Variants in HOXC10 observed in about 807,000 individuals in gnomAD.
HOXC10 encodes the protein homeobox C10.
In HOXC10, 15 loss-of-function variants were observed where a neutral mutation model predicts 26.0. The ratio of observed to expected loss-of-function variants is 0.58; its 90% CI spans 0.39 to 0.89. The LOEUF (loss-of-function observed/expected upper bound fraction) is 0.89. HOXC10 is among the 40% of genes least tolerant of loss of function. The probability of loss-of-function intolerance (pLI) is 0.00; values close to 1 mark genes in which losing one functional copy is unlikely to be tolerated. For missense variants in HOXC10, 446 were observed against 451.9 expected (o/e 0.99, Z 0.12); for synonymous variants, 196 against 185.5 (o/e 1.06, Z -0.46).
Position 53,990,115 on chromosome 12 carries a change from G to T in HOXC10, c.*669G>T, listed in dbSNP as rs1255439966. The T allele has an allele frequency of 7.6e-6, 1 of 130,746 alleles. No individual in the cohort carries two copies. The highest frequency in any genetic ancestry group is 1.6e-5 in the Non-Finnish European group (1 of 62,406). 8.1% of individuals were successfully genotyped at this position (130,746 alleles called of 1,614,324 possible). A position where few individuals can be genotyped will look rare whatever the true frequency, so the allele number is the denominator to read the frequency against. On this transcript the variant is annotated 3_prime_UTR_variant, in exon 2 of 2. Transcript: ENST00000303460. ...CAGAGGAACAAAAAAATTAAAAATA[G>T]AACATAGCAAAGCAAAGACAGAATG...
At position 53,989,292 on chromosome 12, in the gene HOXC10, A is replaced by G; in HGVS notation, c.875A>G (p.Tyr292Cys). Residue 292 changes from tyrosine to cysteine, a missense_variant, in exon 2 of 2, where the codon TAT becomes TGT. Coordinates refer to ENST00000303460, the MANE Select transcript of HOXC10 (RefSeq NM_017409.4). ...GAGAAAGAATTTCTGTTCAATATGT[A>G]TTTGACGCGAGAGCGCCGCCTGGAG... is the stretch of plus-strand genomic sequence containing the variant. ...ELEKEFLFNM[Y>C]LTRERRLEIS... 1 of 1,614,240 alleles carries G rather than the reference A, an allele frequency of 6.2e-7. No homozygotes were observed. Among genetic ancestry groups the G allele is most frequent in the Non-Finnish European group, 8.5e-7 (1 of 1,180,032 alleles).
In HOXC10 at chr12:53,989,323, C is replaced by G. The variant is rs765266487; in HGVS notation, c.906C>G (p.Ser302Arg). The G allele has an allele frequency of 6.2e-7, 1 of 1,614,184 alleles. No individual in the cohort carries two copies. The highest frequency in any genetic ancestry group is 8.5e-7 in the Non-Finnish European group (1 of 1,180,026). Residue 302 changes from serine (S) to arginine (R), a missense_variant, in exon 2 of 2, where the codon AGC (serine) becomes AGG (arginine). Transcript: ENST00000303460. ...YLTRERRLEI[S>R]KTINLTDRQV... is the part of the protein sequence containing the mutation. ...CGCGAGAGCGCCGCCTGGAGATTAG[C>G]AAGACCATTAACCTTACAGACAGAC...
At position 53,989,417 on chromosome 12, in the gene HOXC10, G is replaced by C; in HGVS notation, c.1000G>C (p.Glu334Gln). ...AATGAACCGAGAGAATCGGATCCGGGAACTGACCTCCAATTTTAATTTCAC... is the reference window on the plus strand; with the variant it reads ...AATGAACCGAGAGAATCGGATCCGGCAACTGACCTCCAATTTTAATTTCAC... ...KKMNRENRIR[E>Q]LTSNFNFT Residue 334 changes from glutamate (E) to glutamine (Q), a missense_variant, in exon 2 of 2, where the codon GAA (glutamate) becomes CAA (glutamine). Physicochemically the swap from Glu to Gln is conservative, Grantham distance 29. Coordinates refer to ENST00000303460, the MANE Select transcript of HOXC10 (RefSeq NM_017409.4). 6.2e-7 allele frequency: 1 copy of C among 1,613,516 alleles called. No individual in the cohort carries two copies. The highest frequency in any genetic ancestry group is 8.5e-7 in the Non-Finnish European group (1 of 1,179,786).
At chr12:53,987,855 G>A (rs891356693) in intron 1 of HOXC10, among the ~76,000 whole-genome samples, 2 of 152,034 alleles carry the variant, frequency 1.3e-5, no homozygotes, top group Non-Finnish European at 2.9e-5. Flanking sequence ...AAATAAACAG[G>A]ACGTAGTTAG....
At chr12:53,986,256 C>A (rs905623101) in intron 1 of HOXC10, 3 of 440,300 alleles carry the variant, frequency 6.8e-6, no homozygotes, top group Non-Finnish European at 4.0e-6. Flanking sequence ...GGGGGCGGTG[C>A]GCACCGCGGG....
chr12:53,985,705 ACCGCGCCAGCCCGAGCTACT>A lies in HOXC10; in HGVS notation c.453_472del (p.Ser152GlyfsTer42). ...CACGAGGTACCCGTGCCCAGCTACT[ACCGCGCCAGCCCGAGCTACT>A]CCGCGCTGGACAAGACGCCCCACTG... On this transcript the variant is annotated frameshift_variant, in exon 1 of 2. Coordinates refer to ENST00000303460, the MANE Select transcript of HOXC10 (RefSeq NM_017409.4). LOFTEE classifies it high-confidence loss of function. 1 of 1,610,228 alleles carries A rather than the reference ACCGCGCCAGCCCGAGCTACT, an allele frequency of 6.2e-7. No individual in the cohort carries two copies. The highest frequency in any genetic ancestry group is 8.5e-7 in the Non-Finnish European group (1 of 1,177,218).
chr12:53,985,336 G>T lies in HOXC10; in HGVS notation c.77G>T (p.Ser26Ile), dbSNP rs779716296. Residue 26 changes from serine (S) to isoleucine (I), a missense_variant, in exon 1 of 2, where the codon AGC (serine) becomes ATC (isoleucine). Ser to Ile is a moderately radical substitution (Grantham distance 142). Coordinates refer to ENST00000303460, the MANE Select transcript of HOXC10 (RefSeq NM_017409.4). ...GCGCCCGGCGGAGGAGAGCGCTATA[G>T]CCGGAGCGCAGGCATGTATATGCAG... ...LAAPGGGERY[S>I]RSAGMYMQSG... The T allele has an allele frequency of 1.9e-6, 3 of 1,612,930 alleles. No homozygotes were observed. In the East Asian group the frequency reaches 6.7e-5, roughly 36 times the overall value.
Position 53,985,776 on chromosome 12 carries a change from C to T in HOXC10, c.517C>T (p.Pro173Ser), listed in dbSNP as rs543394438. 1.2e-5 allele frequency: 19 copies of T among 1,613,754 alleles called. 1 individual carries two copies. The South Asian group carries it at 2.1e-4, about 18-fold the overall frequency. ...HCSGANDFEAPFEQRASLNPR... is the reference protein window; with the variant it reads ...HCSGANDFEASFEQRASLNPR... ...TTCTGGGGCCAACGACTTCGAAGCC[C>T]CTTTCGAGCAGCGGGCCAGTCTCAA... The change falls in exon 1 of 2, where the codon CCT becomes TCT. Residue 173 changes from proline (P) to serine (S), a missense_variant. Coordinates refer to ENST00000303460, the MANE Select transcript of HOXC10 (RefSeq NM_017409.4).
In HOXC10 at chr12:53,985,801, A is replaced by G; in HGVS notation, c.542A>G (p.Asn181Ser). The change falls in exon 1 of 2, where the codon AAC (asparagine) becomes AGC (serine). Residue 181 changes from asparagine to serine, a missense_variant. Coordinates refer to ENST00000303460, the MANE Select transcript of HOXC10 (RefSeq NM_017409.4). ...CCTTTCGAGCAGCGGGCCAGTCTCA[A>G]CCCGCGCGCCGAACATCTGGAATCG... ...EAPFEQRASL[N>S]PRAEHLESPQ... 1 of 1,613,708 alleles carries G rather than the reference A, an allele frequency of 6.2e-7. No homozygotes were observed. The highest frequency in any genetic ancestry group is 8.5e-7 in the Non-Finnish European group (1 of 1,179,998).
Position 53,985,906 on chromosome 12 carries a change from C to G in HOXC10, c.647C>G (p.Thr216Arg). The change falls in exon 1 of 2, where the codon ACG becomes AGG. Residue 216 changes from threonine (T) to arginine (R), a missense_variant. Physicochemically the swap from Thr to Arg is moderately conservative, Grantham distance 71 (BLOSUM62 -1). Coordinates refer to ENST00000303460, the MANE Select transcript of HOXC10 (RefSeq NM_017409.4). ...ACCCCCAGCCCCAATGAAATCAAGACGGAGCAGAGCCTGGCGGGCCCTAAA... is the reference window on the plus strand; with the variant it reads ...ACCCCCAGCCCCAATGAAATCAAGAGGGAGCAGAGCCTGGCGGGCCCTAAA... The part of the protein sequence containing the change: ...SQTPSPNEIK[T>R]EQSLAGPKGS... 1 of 1,613,832 alleles carries G rather than the reference C, an allele frequency of 6.2e-7. No individual in the cohort carries two copies. The highest frequency in any genetic ancestry group is 8.5e-7 in the Non-Finnish European group (1 of 1,180,002).
rs1939424035 is a variant in HOXC10 at position 53,985,823 on chromosome 12, A to C, written c.564A>C (p.Glu188Asp). 6.2e-7 allele frequency: 1 copy of C among 1,613,674 alleles called. No homozygotes were observed. The highest frequency in any genetic ancestry group is 1.7e-5 in the Admixed American group (1 of 60,000). ...ASLNPRAEHL[E>D]SPQLGGKVSF... ...TCAACCCGCGCGCCGAACATCTGGA[A>C]TCGCCTCAGCTGGGGGGCAAAGTGA... Residue 188 changes from glutamate (E) to aspartate (D), a missense_variant, in exon 1 of 2, where the codon GAA (glutamate) becomes GAC (aspartate). Transcript: ENST00000303460.
Position 53,989,201 on chromosome 12 carries a change from T to C in HOXC10, c.784T>C (p.Trp262Arg). The change falls in exon 2 of 2, where the codon TGG becomes CGG. Residue 262 changes from tryptophan to arginine, a missense_variant. By Grantham distance (101) the Trp-to-Arg change is moderately radical. Transcript: ENST00000303460. ...EIKAENTTGN[W>R]LTAKSGRKKR... ...AAAGGCAGAAAACACCACAGGAAATTGGCTGACAGCAAAGAGCGGAAGGAA... is the reference window on the plus strand; with the variant it reads ...AAAGGCAGAAAACACCACAGGAAATCGGCTGACAGCAAAGAGCGGAAGGAA... The C allele has an allele frequency of 1.2e-6, 2 of 1,609,524 alleles. No individual in the cohort carries two copies. The highest frequency in any genetic ancestry group is 2.2e-5 in the East Asian group (1 of 44,838).
In HOXC10 at chr12:53,985,269, C is replaced by T; in HGVS notation, c.10C>T (p.Pro4Ser). MTC[P>S]RNVTPNSYAE... ...ACCCCTCTCTCTGAAAATGACATGC[C>T]CTCGCAATGTAACTCCGAACTCGTA... Residue 4 changes from proline (P) to serine (S), a missense_variant, in exon 1 of 2, where the codon CCT becomes TCT. Physicochemically the swap from Pro to Ser is moderately conservative, Grantham distance 74. Transcript: ENST00000303460. 1 of 1,549,420 alleles carries T rather than the reference C, an allele frequency of 6.5e-7. No individual in the cohort carries two copies. The highest frequency in any genetic ancestry group is 8.7e-7 in the Non-Finnish European group (1 of 1,148,290).
rs759627765 is a variant in HOXC10 at position 53,989,946 on chromosome 12, T to C, written c.*500T>C. On this transcript the variant is annotated 3_prime_UTR_variant, in exon 2 of 2. Transcript: ENST00000303460. ...TGTGTTTGTCGTAGCACCCAGAGCCTCCACCAAACCCTCTCCATGTCTTTA... is the reference window on the plus strand; with the variant it reads ...TGTGTTTGTCGTAGCACCCAGAGCCCCCACCAAACCCTCTCCATGTCTTTA... 9 of 154,424 alleles carry C rather than the reference T, an allele frequency of 5.8e-5. No homozygotes were observed. The highest frequency in any genetic ancestry group is 1.3e-4 in the Non-Finnish European group (9 of 69,388). 9.6% of individuals were successfully genotyped at this position (154,424 alleles called of 1,614,324 possible). A position where few individuals can be genotyped will look rare whatever the true frequency, so the allele number is the denominator to read the frequency against.
Position 53,985,165 on chromosome 12 carries a change from C to T in HOXC10, c.-95C>T. The stretch of plus-strand genomic sequence containing the variant: ...CCCCCTCCCCTTCTTTTTCCTCCCT[C>T]CCCTCCAACCGCGCCCCCCCTCCCG... On this transcript the variant is annotated 5_prime_UTR_variant, in exon 1 of 2. Transcript: ENST00000303460. 3.5e-6 allele frequency: 2 copies of T among 576,826 alleles called. No individual in the cohort carries two copies. The highest frequency in any genetic ancestry group is 5.2e-6 in the Non-Finnish European group (2 of 381,222). 35.7% of individuals were successfully genotyped at this position (576,826 alleles called of 1,614,324 possible). A position where few individuals can be genotyped will look rare whatever the true frequency, so the allele number is the denominator to read the frequency against.
chr12:53,989,469 T>C lies in HOXC10; in HGVS notation c.*23T>C. 6.3e-7 allele frequency: 1 copy of C among 1,590,172 alleles called. No individual in the cohort carries two copies. Among genetic ancestry groups the C allele is most frequent in the East Asian group, 2.3e-5 (1 of 44,140 alleles). On this transcript the variant is annotated 3_prime_UTR_variant, in exon 2 of 2. Coordinates refer to ENST00000303460, the MANE Select transcript of HOXC10 (RefSeq NM_017409.4). ...TGAGAGCGCGGCCTCTCCTCCTCCC[T>C]TCCCGCTCCTTCCTCTCCCCGCCCC...
In HOXC10 at chr12:53,990,268, A is replaced by G. The variant is rs1233382573; in HGVS notation, c.*822A>G. On this transcript the variant is annotated 3_prime_UTR_variant, in exon 2 of 2. Coordinates refer to ENST00000303460, the MANE Select transcript of HOXC10 (RefSeq NM_017409.4). The stretch of plus-strand genomic sequence containing the variant: ...AAAAACCTAATAAATTTCCAGAATC[A>G]TAATCCTCAAATGGATGGTTTTTTG... 6.6e-6 allele frequency: 1 copy of G among 152,362 alleles called. No individual in the cohort carries two copies. The highest frequency in any genetic ancestry group is 6.6e-5 in the Admixed American group (1 of 15,244). 9.4% of individuals were successfully genotyped at this position (152,362 alleles called of 1,614,324 possible).
chr12:53,989,327 A>C lies in HOXC10; in HGVS notation c.910A>C (p.Thr304Pro). ...AGAGCGCCGCCTGGAGATTAGCAAGACCATTAACCTTACAGACAGACAAGT... is the reference window on the plus strand; with the variant it reads ...AGAGCGCCGCCTGGAGATTAGCAAGCCCATTAACCTTACAGACAGACAAGT... ...TRERRLEISK[T>P]INLTDRQVKI... Residue 304 changes from threonine to proline, a missense_variant, in exon 2 of 2, where the codon ACC (threonine) becomes CCC (proline). By Grantham distance (38) the Thr-to-Pro change is conservative. Transcript: ENST00000303460. 6.2e-7 allele frequency: 1 copy of C among 1,614,202 alleles called. No homozygotes were observed. Among genetic ancestry groups the C allele is most frequent in the South Asian group, 1.1e-5 (1 of 91,086 alleles).
chr12:53,989,843 C>A lies in HOXC10; in HGVS notation c.*397C>A, dbSNP rs1366704879. The A allele has an allele frequency of 2.7e-5, 5 of 183,444 alleles. No homozygotes were observed. The highest frequency in any genetic ancestry group is 1.2e-4 in the African/African-American group (5 of 42,204). 11.4% of individuals were successfully genotyped at this position (183,444 alleles called of 1,614,324 possible). The stretch of plus-strand genomic sequence containing the variant: ...AGAGAGGGTCTGTAATCTCGCAGAG[C>A]ACAGGCAGAATCGTTCCTTCCTTGC... On this transcript the variant is annotated 3_prime_UTR_variant, in exon 2 of 2. Transcript: ENST00000303460.
Sources: gnomAD v4.1 joint callset for allele counts (sites outside exome capture counted in the v4.1 genomes callset) on GRCh38, gnomAD v4.1.1 for gene constraint, MANE v1.5 for transcripts, NCBI Gene and HGNC (gene_info 2026-07-23, HGNC 2026-07-21) for gene names.